PUM1: variants seen among roughly 807,000 people sequenced by gnomAD.
PUM1 encodes pumilio RNA binding family member 1.
Under a neutral mutation model 131.8 loss-of-function variants are expected in PUM1, and 13 were observed. That is an observed-to-expected ratio of 0.10 (90% CI 0.06 to 0.16). The LOEUF (loss-of-function observed/expected upper bound fraction) is 0.16, where lower values mean the gene tolerates loss of function less well. PUM1 is among the 10% of genes least tolerant of loss of function. The pLI, the probability that PUM1 is intolerant of heterozygous loss-of-function variation, is 1.00. For missense variants in PUM1, 961 were observed against 1,512.4 expected, an observed-to-expected ratio of 0.64 and a Z score of 6.05; for synonymous variants, 509 against 556.5, an observed-to-expected ratio of 0.91 and a Z score of 1.20.
chr1:31,047,167 C>A (rs140411569), intron 2 of PUM1, among the ~76,000 whole-genome samples: 1 of 152,006 alleles, frequency 6.6e-6, no homozygotes, highest in East Asian at 1.9e-4. Flanking sequence ...CCAGCCTAGG[C>A]GACAGATAGA....
In PUM1 at chr1:30,971,003, T is replaced by A. The variant is rs762777678; in HGVS notation, c.1507-2511A>T. On this transcript the variant is annotated intron_variant, in intron 10 of 21. Transcript: ENST00000426105. ...GCTTTTTGTCCACTCTCTAGAAATC[T>A]GTCCAGTACCCCTAACTACAAATAA... is the stretch of plus-strand genomic sequence containing the variant. Among the ~76,000 whole-genome samples, 33 of 152,316 alleles carry A rather than the reference T, an allele frequency of 2.2e-4. 1 individual carries two copies. The highest frequency in any genetic ancestry group is 3.4e-3 in the Middle Eastern group (1 of 294).
intron 21 of PUM1, among the ~76,000 whole-genome samples, 190 bp downstream of exon 21, chr1:30,936,453 T>A (rs1639213578): frequency 2.6e-5 from 4 of 152,164 alleles, no homozygotes; most frequent in African/African-American, 4.8e-5. Flanking sequence ...GTGTGGCTAT[T>A]GATAAGGGAG....
At chr1:31,052,105 C>T (rs1279672861) in intron 2 of PUM1, among the ~76,000 whole-genome samples, 5 of 151,996 alleles carry the variant, frequency 3.3e-5, no homozygotes, top group African/African-American at 9.7e-5. Context: ...CTCCACCTCC[C>T]GGGTTCATGC....
At chr1:30,987,787 T>C (rs890392982) in intron 7 of PUM1, among the ~76,000 whole-genome samples, 3 of 152,250 alleles carry the variant, frequency 2.0e-5, no homozygotes, top group African/African-American at 7.2e-5. Context: ...CTTTATCTCA[T>C]GCACATTTAC....
Position 30,950,216 on chromosome 1 carries a change from C to T in PUM1, c.2767G>A (p.Gly923Ser). The stretch of plus-strand genomic sequence containing the variant: ...TGTAGTGCCAATGACAGGACGTGGC[C>T]TCGAATCCGTTCTGCCAAAGCCAGC... ...QKLALAERIRGHVLSLALQMY... is the reference protein window; with the variant it reads ...QKLALAERIRSHVLSLALQMY... The change falls in exon 17 of 22, where the codon GGC becomes AGC. Residue 923 changes from glycine (G) to serine (S), a missense_variant. Around this residue, in one of 4 missense-constraint regions of PUM1, gnomAD observed 12 missense variants for 60.3 expected, o/e 0.20. Coordinates refer to ENST00000426105, the MANE Select transcript of PUM1 (RefSeq NM_001020658.2). 6.2e-7 allele frequency: 1 copy of T among 1,614,000 alleles called. No homozygotes were observed. Among genetic ancestry groups the T allele is most frequent in the Non-Finnish European group, 8.5e-7 (1 of 1,179,930 alleles).
chr1:30,983,750 C>T (rs1052216087), intron 7 of PUM1, among the ~76,000 whole-genome samples: 1 of 147,030 alleles, frequency 6.8e-6, no homozygotes, highest in Non-Finnish European at 1.5e-5. Flanking sequence ...CATGTCACCA[C>T]GCCTGGCATT....
chr1:31,061,338 T>C (rs1446491261), intron 1 of PUM1, among the ~76,000 whole-genome samples: 1 of 152,000 alleles, frequency 6.6e-6, no homozygotes, highest in South Asian at 2.1e-4. Flanking sequence ...CCAATGGAGG[T>C]TGGGCACGGT....
At chr1:31,043,015 T>C (rs4949335) in intron 2 of PUM1, among the ~76,000 whole-genome samples, 43,037 of 152,020 alleles carry the variant, frequency 0.28, 6,578 homozygotes, top group Non-Finnish European at 0.34. Context: ...CCACCACGCC[T>C]AGCCAGAAAC....
At chr1:30,994,376 A>AT (rs751782666) in intron 6 of PUM1, among the ~76,000 whole-genome samples, 4 of 152,182 alleles carry the variant, frequency 2.6e-5, no homozygotes, top group Non-Finnish European at 5.9e-5. Flanking sequence ...CTGGACAAGG[A>AT]TTTTTATAGA....
intron 2 of PUM1, among the ~76,000 whole-genome samples, chr1:31,033,371 A>ATT (rs1643500036): frequency 9.6e-5 from 10 of 103,904 alleles, no homozygotes; most frequent in East Asian, 6.7e-4. Context: ...CATCCAGCTA[A>ATT]TTTTCTTTTT....
intron 9 of PUM1, among the ~76,000 whole-genome samples, chr1:30,979,116 AG>A (rs1641256659): frequency 1.3e-5 from 2 of 151,454 alleles, no homozygotes. Flanking sequence ...AAAAAAAAAA[AG>A]AGAGAGAGAG....
At chr1:31,028,743 T>C in intron 3 of PUM1, 53 bp downstream of exon 3, 1 of 1,407,980 alleles carries the variant, frequency 7.1e-7, no homozygotes, top group Non-Finnish European at 1.0e-6. Context: ...GAAAGACAAC[T>C]CCAACCTTCC....
chr1:30,944,369 G>A (rs1021512558), intron 18 of PUM1, among the ~76,000 whole-genome samples: 1 of 152,036 alleles, frequency 6.6e-6, no homozygotes, highest in Non-Finnish European at 1.5e-5. Context: ...CCCACCTTAG[G>A]AGACTGTAAG....
chr1:30,999,606 C>CAAAAAAAAAAAAAAAAA (rs56936440), intron 5 of PUM1, among the ~76,000 whole-genome samples: 2 of 53,980 alleles, frequency 3.7e-5, no homozygotes, highest in African/African-American at 1.4e-4. Context: ...GACTCTGTCT[C>CAAAAAAAAAAAAAAAAA]AAAAAAAAAA....
At chr1:31,035,999 G>A (rs886933012) in intron 2 of PUM1, among the ~76,000 whole-genome samples, 7 of 151,912 alleles carry the variant, frequency 4.6e-5, no homozygotes, top group South Asian at 2.1e-4. Context: ...TTTTATATAC[G>A]AGGAAACCAA....
Position 31,064,804 on chromosome 1 carries a change from A to AGTGTATTC in PUM1, c.-12+804_-12+811dup, listed in dbSNP as rs1165950056. Reference sequence around the variant, plus strand: ...GGCTATAGGAGGGAAAAGTTACAGGAGTGTATTCCTCACTTGACGTGGGAA... The same window carrying AGTGTATTC: ...GGCTATAGGAGGGAAAAGTTACAGGAGTGTATTCGTGTATTCCTCACTTGACGTGGGAA... On this transcript the variant is annotated intron_variant, in intron 1 of 21. Transcript: ENST00000426105. Among the ~76,000 whole-genome samples, 4 of 98,390 alleles carry AGTGTATTC rather than the reference A, an allele frequency of 4.1e-5. No individual in the cohort carries two copies. The East Asian group carries it at 1.4e-3, about 33-fold the overall frequency. 64.5% of individuals were successfully genotyped at this position (98,390 alleles called of 152,430 possible). A position where few individuals can be genotyped will look rare whatever the true frequency, so the allele number is the denominator to read the frequency against.
chr1:31,009,782 A>AAAAC (rs1553150213), intron 3 of PUM1, among the ~76,000 whole-genome samples: 5 of 125,354 alleles, frequency 4.0e-5, no homozygotes, highest in South Asian at 5.2e-4. Flanking sequence ...AAAAAAAAAA[A>AAAAC]AAAAACAAAA....
intron 14 of PUM1, among the ~76,000 whole-genome samples, chr1:30,959,577 C>A (rs965516371): frequency 6.6e-6 from 1 of 151,938 alleles, no homozygotes; most frequent in Non-Finnish European, 1.5e-5. Flanking sequence ...ACCACATTCA[C>A]GGAATACAGG....
At chr1:30,961,941 T>C (rs895085705) in intron 14 of PUM1, among the ~76,000 whole-genome samples, 2 of 152,202 alleles carry the variant, frequency 1.3e-5, no homozygotes, top group Non-Finnish European at 2.9e-5. Context: ...CAACAGAAGC[T>C]ATATTAGGTG....
Sources: allele counts gnomAD v4.1 joint callset (sites outside exome capture counted in the v4.1 genomes callset), GRCh38; gene constraint gnomAD v4.1.1; regional missense constraint gnomAD v4.1.1; transcripts MANE v1.5; gene names NCBI Gene and HGNC (gene_info 2026-07-23, HGNC 2026-07-21).